The following VPS35L variants were observed in gnomAD, a reference collection of about 807,000 sequenced individuals.
VPS35L encodes the protein VPS35 endosomal protein-sorting factor-like.
VPS35L carries 83 observed loss-of-function variants against 133.0 expected under a neutral mutation model. That is an observed-to-expected ratio of 0.62 (90% CI 0.52 to 0.75). VPS35L has a LOEUF of 0.75. VPS35L is among the 30% of genes least tolerant of loss of function. The pLI, the probability that VPS35L is intolerant of heterozygous loss-of-function variation, is 0.00. For synonymous variants in VPS35L, 423 were observed against 449.9 expected (o/e 0.94, Z 0.76); for missense variants, 1,083 against 1,206.8 (o/e 0.90, Z 1.52).
intron 24 of VPS35L, among the ~76,000 whole-genome samples, chr16:19,649,921 A>C (rs2151586027): frequency 6.6e-6 from 1 of 152,226 alleles, no homozygotes; most frequent in South Asian, 2.1e-4. Flanking sequence ...AGTGCTTGGA[A>C]CACTATTAGT....
Position 19,700,571 on chromosome 16 carries a change from A to C in VPS35L, c.*95A>C. The C allele has an allele frequency of 9.3e-4, 971 of 1,039,430 alleles. No homozygotes were observed. The highest frequency in any genetic ancestry group is 1.3e-3 in the Non-Finnish European group (881 of 689,174). 64.4% of individuals were successfully genotyped at this position (1,039,430 alleles called of 1,614,324 possible). ...ACTCTTACGGCAATTTAGGTTTCTC[A>C]TTTTTCTTTTCTTTTTACATATGTA... On this transcript the variant is annotated 3_prime_UTR_variant, in exon 31 of 31. Transcript: ENST00000417362.
At chr16:19,559,368 T>A (rs1222825501) in intron 1 of VPS35L, among the ~76,000 whole-genome samples, 1 of 152,160 alleles carries the variant, frequency 6.6e-6, no homozygotes, top group East Asian at 1.9e-4. Context: ...CAGCCAATAG[T>A]GGAGGTGTGA....
rs9939099 is a variant in VPS35L at position 19,568,889 on chromosome 16, T to A, written c.118-535T>A. On this transcript the variant is annotated intron_variant, in intron 2 of 30. Transcript: ENST00000417362. ...TCAAACTCCTGGCTTCAAGTGATCC[T>A]TCTGCCTCAGCACCACAAAGTGTTG... Among the ~76,000 whole-genome samples the A allele has an allele frequency of 4.2e-3, 641 of 152,278 alleles. 7 individuals are homozygous for A. The highest frequency in any genetic ancestry group is 0.015 in the African/African-American group (613 of 41,558).
intron 15 of VPS35L, among the ~76,000 whole-genome samples, chr16:19,626,559 C>T (rs1276345574): frequency 6.6e-5 from 10 of 151,084 alleles, no homozygotes; most frequent in East Asian, 2.0e-4. Context: ...GTCAGGAGTT[C>T]GAGACCAGCC....
chr16:19,677,749 G>T (rs962791611), intron 27 of VPS35L, among the ~76,000 whole-genome samples: 1 of 152,148 alleles, frequency 6.6e-6, no homozygotes, highest in Non-Finnish European at 1.5e-5. Context: ...GTCTCCCTTC[G>T]TCCTCCCCTG....
chr16:19,597,372 G>GA (rs5816061), intron 8 of VPS35L, among the ~76,000 whole-genome samples: 37 of 135,506 alleles, frequency 2.7e-4, no homozygotes, highest in Non-Finnish European at 3.6e-4. Context: ...TCAAAAAGAA[G>GA]AAAAAAAAAA....
intron 23 of VPS35L, 56 bp downstream of exon 23, chr16:19,645,005 C>G: frequency 1.6e-6 from 2 of 1,262,272 alleles, no homozygotes; most frequent in Non-Finnish European, 2.3e-6. Context: ...AATTGTTTAT[C>G]CTTATGTTGG....
At chr16:19,557,315 A>G (rs567835355) in intron 1 of VPS35L, among the ~76,000 whole-genome samples, 1 of 152,338 alleles carries the variant, frequency 6.6e-6, no homozygotes, top group Admixed American at 6.5e-5. Context: ...TTATATTACA[A>G]GCAGGCAAAC....
At chr16:19,610,651 C>T (rs1409394266) in intron 12 of VPS35L, 1 of 356,452 alleles carries the variant, frequency 2.8e-6, no homozygotes, top group Non-Finnish European at 5.0e-6. Context: ...TTAAGGTCAT[C>T]TTCTTACAAA....
At chr16:19,690,749 G>A (rs1270374404) in intron 28 of VPS35L, among the ~76,000 whole-genome samples, 4 of 152,142 alleles carry the variant, frequency 2.6e-5, no homozygotes, top group Admixed American at 1.3e-4. Context: ...TCAGGAGTTC[G>A]AGACCAGCTT....
chr16:19,559,716 A>T (rs952042634), intron 1 of VPS35L, among the ~76,000 whole-genome samples: 1 of 148,192 alleles, frequency 6.7e-6, no homozygotes, highest in Non-Finnish European at 1.5e-5. Context: ...CACAAGCAGT[A>T]TTTTTTTTTT....
At chr16:19,605,061 C>G (rs1246655797) in intron 9 of VPS35L, among the ~76,000 whole-genome samples, 1 of 152,184 alleles carries the variant, frequency 6.6e-6, no homozygotes, top group Non-Finnish European at 1.5e-5. Context: ...TGGGCCACAT[C>G]GGGATAAGCA....
chr16:19,611,053 G>A (rs865777951), intron 12 of VPS35L, among the ~76,000 whole-genome samples: 1 of 152,190 alleles, frequency 6.6e-6, no homozygotes, highest in African/African-American at 2.4e-5. Context: ...AGGCTGGAGT[G>A]CAGTGGCGCC....
chr16:19,600,827 G>A (rs1972359605), intron 8 of VPS35L, among the ~76,000 whole-genome samples: 1 of 152,214 alleles, frequency 6.6e-6, no homozygotes, highest in Admixed American at 6.5e-5. Context: ...CTACTAATTT[G>A]CTCTAGCTGT....
intron 26 of VPS35L, among the ~76,000 whole-genome samples, chr16:19,668,786 C>T (rs1483549972): frequency 2.0e-5 from 3 of 152,218 alleles, no homozygotes; most frequent in Non-Finnish European, 4.4e-5. Flanking sequence ...CCTTATTTCT[C>T]GTCTGTGAAG....
intron 14 of VPS35L, 157 bp downstream of exon 14, chr16:19,616,965 T>TG (rs755535944): frequency 3.7e-6 from 4 of 1,072,588 alleles, no homozygotes. Context: ...TGGCTGGCTC[T>TG]GTGCTGAGTG....
rs190273287 is a variant in VPS35L at position 19,633,746 on chromosome 16, G to A, written c.1635+574G>A. 1.3e-5 allele frequency among the ~76,000 whole-genome samples: 2 copies of A among 150,818 alleles called. No homozygotes were observed. The highest frequency in any genetic ancestry group is 1.3e-4 in the Admixed American group (2 of 15,168). ...TTTGTTTTTTTTTGTTTTTGTTTTT[G>A]TTTTGTTTTGAGACGGAGTCTTGCT... On this transcript the variant is annotated intron_variant, in intron 19 of 30. Transcript: ENST00000417362. The surrounding 1 kb of genome is among the most constrained non-coding windows in gnomAD (Gnocchi z 4.1).
Position 19,576,186 on chromosome 16 carries a change from A to C in VPS35L, c.433+1064A>C, listed in dbSNP as rs201156927. ...GTCTCAAAAAAAAAAAAAAACAAAA[A>C]AAAAAAACAAAGAGGTTACTAGGAG... On this transcript the variant is annotated intron_variant, in intron 5 of 30. Transcript: ENST00000417362. Among the ~76,000 whole-genome samples, 18 of 107,290 alleles carry C rather than the reference A, an allele frequency of 1.7e-4. 1 individual carries two copies. The highest frequency in any genetic ancestry group is 5.9e-4 in the African/African-American group (16 of 26,898). 70.4% of individuals were successfully genotyped at this position (107,290 alleles called of 152,430 possible). A position where few individuals can be genotyped will look rare whatever the true frequency, so the allele number is the denominator to read the frequency against.
chr16:19,575,190 GA>G (rs1971492195), intron 5 of VPS35L, 68 bp downstream of exon 5: 19 of 1,477,434 alleles, frequency 1.3e-5, no homozygotes, highest in Non-Finnish European at 1.8e-5. Flanking sequence ...TTTTACAAAG[GA>G]AAAAAGTTTT....
Sources: gnomAD v4.1 joint callset for allele counts (sites outside exome capture counted in the v4.1 genomes callset) on GRCh38, gnomAD v4.1.1 for gene constraint, Gnocchi (gnomAD v3.1) non-coding constraint, MANE v1.5 for transcripts, NCBI Gene and HGNC (gene_info 2026-07-23, HGNC 2026-07-21) for gene names.